TBC1D19: variants seen among roughly 807,000 people sequenced by gnomAD.
TBC1D19 encodes TBC1 domain family, member 19.
TBC1D19 carries 60 observed loss-of-function variants against 89.0 expected under a neutral mutation model. The observed-to-expected ratio is 0.67, with a 90% confidence interval of 0.55 to 0.84. The LOEUF (loss-of-function observed/expected upper bound fraction) is 0.84. TBC1D19 is among the 40% of genes least tolerant of loss of function. TBC1D19 has a pLI of 0.00. For missense variants in TBC1D19, 500 were observed against 610.8 expected, an observed-to-expected ratio of 0.82 and a Z score of 1.91; for synonymous variants, 189 against 199.7, an observed-to-expected ratio of 0.95 and a Z score of 0.45.
chr4:26,784,716 A>C, the TBC1D19 span, among the ~76,000 whole-genome samples: 1 of 152,246 alleles, frequency 6.6e-6, no homozygotes, highest in East Asian at 1.9e-4. Flanking sequence ...TCCAGTGACA[A>C]CATGCTTGAG....
At chr4:26,853,639 G>A in the TBC1D19 span, among the ~76,000 whole-genome samples, 1 of 152,024 alleles carries the variant, frequency 6.6e-6, no homozygotes, top group African/African-American at 2.4e-5. Flanking sequence ...CCAGGTTCAA[G>A]CCGTTCTCCT....
chr4:26,662,086 TATA>T (rs1244430516), intron 8 of TBC1D19, among the ~76,000 whole-genome samples: 1 of 152,150 alleles, frequency 6.6e-6, no homozygotes, highest in Non-Finnish European at 1.5e-5. Context: ...TGCTTAGCAA[TATA>T]GTGGGGACAT....
the TBC1D19 span, among the ~76,000 whole-genome samples, chr4:26,823,608 G>A: frequency 6.6e-6 from 1 of 152,174 alleles, no homozygotes; most frequent in Non-Finnish European, 1.5e-5. Flanking sequence ...AGATGGGTCT[G>A]TCACCAGTGG....
intron 13 of TBC1D19, among the ~76,000 whole-genome samples, chr4:26,706,314 G>T (rs185139609): frequency 3.3e-5 from 5 of 152,192 alleles, no homozygotes; most frequent in Admixed American, 2.6e-4. Flanking sequence ...ATTTGTTGGT[G>T]TACAATTGGT....
At chr4:26,656,494 T>C (rs188002480) in intron 7 of TBC1D19, among the ~76,000 whole-genome samples, 48 of 152,306 alleles carry the variant, frequency 3.2e-4, no homozygotes, top group Middle Eastern at 3.4e-3. Flanking sequence ...TCATATTCTA[T>C]GTTTATACTT....
chr4:26,710,219 C>G (rs1716068703), intron 13 of TBC1D19, among the ~76,000 whole-genome samples: 1 of 152,014 alleles, frequency 6.6e-6, no homozygotes, highest in Non-Finnish European at 1.5e-5. Flanking sequence ...GTGTGATGTT[C>G]CCCTTCCTGT....
chr4:26,683,543 G>A (rs911439645), intron 11 of TBC1D19, 132 bp from the exon 12 acceptor site: 15 of 594,126 alleles, frequency 2.5e-5, no homozygotes, highest in Non-Finnish European at 3.4e-5. Context: ...AGTCAGGCAT[G>A]AGGGTTATAG....
chr4:26,776,403 A>G, the TBC1D19 span, among the ~76,000 whole-genome samples: 1 of 152,224 alleles, frequency 6.6e-6, no homozygotes, highest in Non-Finnish European at 1.5e-5. Context: ...TTAAGATAAC[A>G]AAACTCACCC....
intron 11 of TBC1D19, 80 bp downstream of exon 11, chr4:26,673,968 A>G: frequency 1.2e-6 from 1 of 815,086 alleles, no homozygotes; most frequent in Non-Finnish European, 1.9e-6. Context: ...AAATTGAAAA[A>G]ACTTTTGTTT....
At chr4:26,769,585 C>T in the TBC1D19 span, among the ~76,000 whole-genome samples, 3 of 152,032 alleles carry the variant, frequency 2.0e-5, no homozygotes, top group Non-Finnish European at 4.4e-5. Context: ...CTCTCACACC[C>T]AGCCTGGAGT....
chr4:26,703,979 A>G (rs1021044374), intron 13 of TBC1D19, among the ~76,000 whole-genome samples: 3 of 129,402 alleles, frequency 2.3e-5, no homozygotes, highest in East Asian at 2.4e-4. Flanking sequence ...AAAAAAAAGA[A>G]AAAAGAAAAT....
At chr4:26,733,277 A>G (rs927502652) in intron 15 of TBC1D19, among the ~76,000 whole-genome samples, 1 of 152,246 alleles carries the variant, frequency 6.6e-6, no homozygotes, top group Non-Finnish European at 1.5e-5. Flanking sequence ...TCAACAATTA[A>G]CATTTGCTTA....
At chr4:26,798,345 A>G in the TBC1D19 span, among the ~76,000 whole-genome samples, 1 of 152,204 alleles carries the variant, frequency 6.6e-6, no homozygotes, top group Non-Finnish European at 1.5e-5. Context: ...TTAAGACCAC[A>G]ATCAGATACC....
chr4:26,720,253 T>C (rs953551126), intron 15 of TBC1D19, 128 bp downstream of exon 15: 2 of 666,082 alleles, frequency 3.0e-6, no homozygotes, highest in Admixed American at 3.5e-5. Flanking sequence ...TTCCATAGAA[T>C]GTATAATTTA....
At chr4:26,855,380 A>T in the TBC1D19 span, among the ~76,000 whole-genome samples, 1 of 152,100 alleles carries the variant, frequency 6.6e-6, no homozygotes, top group Non-Finnish European at 1.5e-5. Context: ...TGTTTTTCAT[A>T]CCTTAAGGGT....
intron 7 of TBC1D19, among the ~76,000 whole-genome samples, chr4:26,656,987 T>TTCTCCTTCTC: frequency 1.3e-3 from 24 of 17,816 alleles, no homozygotes; most frequent in Admixed American, 4.5e-3. Flanking sequence ...TTCTTCTTCT[T>TTCTCCTTCTC]CTTCTCCTTC....
chr4:26,781,023 A>G, the TBC1D19 span, among the ~76,000 whole-genome samples: 75,546 of 152,028 alleles, frequency 0.5, 20,506 homozygotes, highest in East Asian at 0.64. Flanking sequence ...TGTGCCTTGG[A>G]AAGTCCAGAG....
At chr4:26,744,091 G>A (rs913898808) in intron 18 of TBC1D19, among the ~76,000 whole-genome samples, 1 of 151,542 alleles carries the variant, frequency 6.6e-6, no homozygotes, top group Admixed American at 6.6e-5. Context: ...GACTACTTGG[G>A]TTATCTATTT....
At chr4:26,666,138 A>G (rs1403581754) in intron 8 of TBC1D19, among the ~76,000 whole-genome samples, 195 bp from the exon 9 acceptor site, 5 of 151,926 alleles carry the variant, frequency 3.3e-5, no homozygotes, top group Admixed American at 2.6e-4. Flanking sequence ...TGGTTATTCT[A>G]TTCCTTAATT....
Sources: gnomAD v4.1 joint callset for allele counts (sites outside exome capture counted in the v4.1 genomes callset) on GRCh38, gnomAD v4.1.1 for gene constraint, MANE v1.5 for transcripts, NCBI Gene and HGNC (gene_info 2026-07-23, HGNC 2026-07-21) for gene names.